The following NEK5 variants were observed in gnomAD, a reference collection of about 807,000 sequenced individuals.
NEK5 encodes the protein serine/threonine-protein kinase Nek5.
Under a neutral mutation model 109.2 loss-of-function variants are expected in NEK5, and 88 were observed. That is an observed-to-expected ratio of 0.81 (90% CI 0.68 to 0.96). The LOEUF (loss-of-function observed/expected upper bound fraction) is 0.96. Ranked by LOEUF, NEK5 falls within the 40% of genes least tolerant of loss-of-function variation. The pLI is 0.00. For synonymous variants in NEK5, 283 were observed against 299.9 expected, an observed-to-expected ratio of 0.94 and a Z score of 0.58; for missense variants, 834 against 920.7, an observed-to-expected ratio of 0.91 and a Z score of 1.22.
intron 11 of NEK5, among the ~76,000 whole-genome samples, chr13:52,101,371 G>A (rs556055991): frequency 6.6e-6 from 1 of 152,128 alleles, no homozygotes; most frequent in East Asian, 1.9e-4. Flanking sequence ...TTGCACTCCA[G>A]CCTGGGCGAC....
At chr13:52,062,454 T>G (rs1040581798) in intron 21 of NEK5, among the ~76,000 whole-genome samples, 1 of 151,606 alleles carries the variant, frequency 6.6e-6, no homozygotes, top group Non-Finnish European at 1.5e-5. Context: ...AGACAGAGTC[T>G]CACTCTGTCA....
chr13:52,073,702 C>T (rs1954818440), intron 19 of NEK5, among the ~76,000 whole-genome samples: 1 of 152,098 alleles, frequency 6.6e-6, no homozygotes, highest in South Asian at 2.1e-4. Flanking sequence ...TCTCTTCACG[C>T]TTATGATACT....
chr13:52,065,646 G>C (rs758404159), intron 20 of NEK5, 37 bp from the exon 21 acceptor site: 13 of 1,466,656 alleles, frequency 8.9e-6, no homozygotes, highest in Non-Finnish European at 1.1e-5. Context: ...TTCGAAAGCA[G>C]TCAAAGTGTG....
chr13:52,097,778 A>G (rs1470297393), intron 12 of NEK5, among the ~76,000 whole-genome samples: 1 of 152,162 alleles, frequency 6.6e-6, no homozygotes, highest in African/African-American at 2.4e-5. Context: ...GTATTTTGCA[A>G]TGTGAGAAGG....
intron 17 of NEK5, among the ~76,000 whole-genome samples, chr13:52,080,302 G>C (rs1253620996): frequency 1.3e-5 from 2 of 148,636 alleles, no homozygotes; most frequent in Admixed American, 6.6e-5. Context: ...CAGCCGCCTC[G>C]TCCGGGAGGT....
At chr13:52,076,810 C>G (rs1954878114) in intron 17 of NEK5, among the ~76,000 whole-genome samples, 1 of 152,208 alleles carries the variant, frequency 6.6e-6, no homozygotes, top group African/African-American at 2.4e-5. Context: ...TTAATATTCA[C>G]TCCACAAATT....
intron 17 of NEK5, among the ~76,000 whole-genome samples, chr13:52,080,249 C>T (rs1262171295): frequency 3.1e-4 from 42 of 133,636 alleles, no homozygotes; most frequent in Non-Finnish European, 3.6e-4. Flanking sequence ...GCCAGCCGCC[C>T]CATCCGGGAG....
chr13:52,084,831 T>C (rs1955106459), intron 16 of NEK5, among the ~76,000 whole-genome samples: 1 of 146,936 alleles, frequency 6.8e-6, no homozygotes, highest in Non-Finnish European at 1.5e-5. Flanking sequence ...AGCTAGGGTT[T>C]CCCTATGTTG....
Position 52,065,522 on chromosome 13 carries a change from A to G in NEK5, c.1937T>C (p.Val646Ala), listed in dbSNP as rs770769656. ...GGGGCAGGTGGAGGTGATGTCGGCC[A>G]CTGCCATCATCTGCAGCAGAGTCTG... ...APQTLLQMMA[V>A]ADITSTCPTG... The change falls in exon 21 of 24, where the codon GTG becomes GCG. Residue 646 changes from valine (V) to alanine (A), a missense_variant. This residue lies in a region of NEK5 where 777 missense variants were observed against 824.7 expected (regional missense o/e 0.94). Coordinates refer to ENST00000684899, the MANE Select transcript of NEK5 (RefSeq NM_001365552.1). 4.7e-5 allele frequency: 76 copies of G among 1,613,168 alleles called. No individual in the cohort carries two copies. Among genetic ancestry groups the G allele is most frequent in the Admixed American group, 3.7e-4 (22 of 60,004 alleles).
intron 13 of NEK5, among the ~76,000 whole-genome samples, chr13:52,090,416 G>A (rs1955254107): frequency 1.3e-5 from 2 of 152,110 alleles, no homozygotes; most frequent in South Asian, 2.1e-4. Context: ...TAATAATCAG[G>A]GATTTAGAAA....
At chr13:52,064,457 C>T (rs1954654377) in intron 21 of NEK5, among the ~76,000 whole-genome samples, 2 of 141,818 alleles carry the variant, frequency 1.4e-5, no homozygotes, top group South Asian at 2.3e-4. Context: ...TGGGGGGGGT[C>T]AGCCCCCCGC....
intron 8 of NEK5, among the ~76,000 whole-genome samples, chr13:52,106,977 C>T (rs762019971): frequency 4.6e-5 from 7 of 152,040 alleles, no homozygotes; most frequent in Non-Finnish European, 8.8e-5. Flanking sequence ...ATCCAGTGAG[C>T]GGTCACCAGA....
intron 4 of NEK5, among the ~76,000 whole-genome samples, chr13:52,112,791 CT>C (rs776231570): frequency 6.6e-6 from 1 of 152,158 alleles, no homozygotes; most frequent in African/African-American, 2.4e-5. Context: ...TTATATGGCA[CT>C]TATTTATCTA....
Position 52,101,977 on chromosome 13 carries a change from C to G in NEK5, c.848G>C (p.Arg283Thr), listed in dbSNP as rs749963361. The change falls in exon 11 of 24, where the codon AGA becomes ACA. Residue 283 changes from arginine (R) to threonine (T), a missense_variant. Transcript: ENST00000684899. ...ATGTCGAGAAGCTGGCGCTCCTGCT[C>G]TGCATATAAGCATGTGACTGAATTC... ...QEEFSHMLIC[R>T]AGAPASRHAG... 1 of 1,614,168 alleles carries G rather than the reference C, an allele frequency of 6.2e-7. No individual in the cohort carries two copies. Among genetic ancestry groups the G allele is most frequent in the South Asian group, 1.1e-5 (1 of 91,068 alleles).
intron 19 of NEK5, among the ~76,000 whole-genome samples, chr13:52,073,166 T>C (rs1364045119): frequency 6.6e-6 from 1 of 152,150 alleles, no homozygotes; most frequent in East Asian, 1.9e-4. Flanking sequence ...TTGGCTATGA[T>C]AAAAATTAAT....
At chr13:52,128,627 G>A (rs1042797317) in intron 1 of NEK5, among the ~76,000 whole-genome samples, 1 of 152,144 alleles carries the variant, frequency 6.6e-6, no homozygotes, top group African/African-American at 2.4e-5. Flanking sequence ...GCCAGGAGAG[G>A]CTGCAGACAC....
intron 14 of NEK5, among the ~76,000 whole-genome samples, 154 bp downstream of exon 14, chr13:52,089,093 A>AAACAAC (rs147701822): frequency 2.0e-4 from 30 of 151,028 alleles, no homozygotes; most frequent in Non-Finnish European, 4.1e-4. Flanking sequence ...CTGTCTCAGA[A>AAACAAC]AACAACAACA....
chr13:52,065,639 G>A (rs780795880), intron 20 of NEK5, 30 bp from the exon 21 acceptor site: 82 of 1,526,382 alleles, frequency 5.4e-5, no homozygotes, highest in Middle Eastern at 1.9e-4. Flanking sequence ...TCATTAATTC[G>A]AAAGCAGTCA....
intron 3 of NEK5, among the ~76,000 whole-genome samples, chr13:52,122,643 T>A (rs1313011840): frequency 6.6e-6 from 1 of 152,156 alleles, no homozygotes; most frequent in Non-Finnish European, 1.5e-5. Context: ...GGCATGCGCC[T>A]GTAGTCCCAG....
Sources: gnomAD v4.1 joint callset for allele counts (sites outside exome capture counted in the v4.1 genomes callset) on GRCh38, gnomAD v4.1.1 for gene constraint, gnomAD v4.1.1 regional missense constraint, MANE v1.5 for transcripts, NCBI Gene and HGNC (gene_info 2026-07-23, HGNC 2026-07-21) for gene names.